Variants in RPIA observed in about 807,000 individuals in gnomAD.
RPIA encodes the protein ribose 5-phosphate isomerase A.
In RPIA, 29 loss-of-function variants were observed where a neutral mutation model predicts 37.8. The ratio of observed to expected loss-of-function variants is 0.77; its 90% confidence interval spans 0.57 to 1.05. The LOEUF (loss-of-function observed/expected upper bound fraction) is 1.05. RPIA is among the 50% of genes least tolerant of loss of function. RPIA has a pLI of 0.00. For synonymous variants in RPIA, 167 were observed against 157.0 expected, an observed-to-expected ratio of 1.06 and a Z score of -0.48; for missense variants, 385 against 413.6, an observed-to-expected ratio of 0.93 and a Z score of 0.60.
rs540121883 is a variant in RPIA, at chr2:88,742,999, G to A, written c.838+4923G>A. On this transcript the variant is annotated intron_variant, in intron 8 of 8. Coordinates refer to ENST00000283646, the MANE Select transcript of RPIA (RefSeq NM_144563.3). ...ATCATATTATTAGTGAACAGCAACC[G>A]TTTGACTTCCTCTTTACTGATTTGG... is the stretch of plus-strand genomic sequence containing the variant. Among the ~76,000 whole-genome samples, 44 of 152,152 alleles carry A rather than the reference G, an allele frequency of 2.9e-4. 1 individual carries two copies. The South Asian group carries it at 7.5e-3, about 26-fold the overall frequency.
At chr2:88,698,938 G>A (rs538243553) in intron 2 of RPIA, among the ~76,000 whole-genome samples, 2 of 152,364 alleles carry the variant, frequency 1.3e-5, no homozygotes, top group African/African-American at 4.8e-5. Flanking sequence ...TGGAGTGGAT[G>A]TGGGACTCCT....
intron 5 of RPIA, among the ~76,000 whole-genome samples, 162 bp from the exon 6 acceptor site, chr2:88,735,507 T>G (rs1220641370): frequency 6.6e-6 from 1 of 152,222 alleles, no homozygotes; most frequent in African/African-American, 2.4e-5. Flanking sequence ...GTCCATTTAC[T>G]AGGAGCAGCA....
Position 88,750,126 on chromosome 2 carries a change from C to T in RPIA, c.*48C>T, listed in dbSNP as rs765128115. 1 of 1,335,140 alleles carries T rather than the reference C, an allele frequency of 7.5e-7. No individual in the cohort carries two copies. The highest frequency in any genetic ancestry group is 1.1e-6 in the Non-Finnish European group (1 of 934,116). 82.7% of individuals were successfully genotyped at this position (1,335,140 alleles called of 1,614,324 possible). ...TCACCTTGAGTCTCCAGCCCACAGC[C>T]AAGGTGGACGTACCTCTCCAGGAGC... is the stretch of plus-strand genomic sequence containing the variant. On this transcript the variant is annotated 3_prime_UTR_variant, in exon 9 of 9. Transcript: ENST00000283646.
chr2:88,743,156 A>G (rs1387016526), intron 8 of RPIA, among the ~76,000 whole-genome samples: 2 of 152,060 alleles, frequency 1.3e-5, no homozygotes, highest in Non-Finnish European at 2.9e-5. Context: ...CCCTTTCAGT[A>G]TAATACTGGC....
At chr2:88,745,472 G>A (rs530836501) in intron 8 of RPIA, among the ~76,000 whole-genome samples, 2 of 152,130 alleles carry the variant, frequency 1.3e-5, no homozygotes, top group African/African-American at 4.8e-5. Context: ...GACTGGCTTG[G>A]TAGTGGCGAA....
intron 3 of RPIA, among the ~76,000 whole-genome samples, chr2:88,706,836 C>G (rs931521640): frequency 6.6e-6 from 1 of 152,158 alleles, no homozygotes; most frequent in Non-Finnish European, 1.5e-5. Context: ...TTTAATATGG[C>G]CTTTCAACTC....
chr2:88,703,880 G>A (rs1384067858), intron 3 of RPIA, among the ~76,000 whole-genome samples: 1 of 152,184 alleles, frequency 6.6e-6, no homozygotes, highest in Non-Finnish European at 1.5e-5. Context: ...GCTTTTAACA[G>A]CACCCAAGTC....
intron 3 of RPIA, among the ~76,000 whole-genome samples, chr2:88,716,622 G>C (rs1673039983): frequency 6.6e-6 from 1 of 152,162 alleles, no homozygotes; most frequent in Non-Finnish European, 1.5e-5. Flanking sequence ...CCGGTTAACT[G>C]TGTGGAGGAG....
intron 3 of RPIA, among the ~76,000 whole-genome samples, chr2:88,703,235 G>A (rs1672855132): frequency 6.6e-6 from 1 of 152,182 alleles, no homozygotes; most frequent in Admixed American, 6.5e-5. Flanking sequence ...TCTGGGGTCT[G>A]GAGGACAGTG....
chr2:88,746,141 T>G (rs909170685), intron 8 of RPIA, among the ~76,000 whole-genome samples: 2 of 152,232 alleles, frequency 1.3e-5, no homozygotes, highest in African/African-American at 4.8e-5. Flanking sequence ...TTTGATTATC[T>G]TTTCTTTATG....
At chr2:88,706,253 A>G (rs1189882895) in intron 3 of RPIA, among the ~76,000 whole-genome samples, 1 of 152,304 alleles carries the variant, frequency 6.6e-6, no homozygotes, top group East Asian at 1.9e-4. Flanking sequence ...ATACATGCAC[A>G]TGTATGTTCA....
At chr2:88,714,994 T>C (rs1450246400) in intron 3 of RPIA, among the ~76,000 whole-genome samples, 2 of 152,244 alleles carry the variant, frequency 1.3e-5, no homozygotes, top group Non-Finnish European at 2.9e-5. Context: ...AGTTTTAAAT[T>C]AGCCTTTCAA....
intron 6 of RPIA, 118 bp from the exon 7 acceptor site, chr2:88,736,417 C>A: frequency 1.0e-6 from 1 of 991,450 alleles, no homozygotes; most frequent in Non-Finnish European, 1.6e-6. Context: ...ATGTATATTG[C>A]CCTTGATCAC....
chr2:88,693,910 A>T (rs1315272631), intron 1 of RPIA, among the ~76,000 whole-genome samples: 2 of 152,252 alleles, frequency 1.3e-5, no homozygotes, highest in African/African-American at 4.8e-5. Context: ...GGATGGGTCG[A>T]CATGCAGAAC....
intron 1 of RPIA, among the ~76,000 whole-genome samples, chr2:88,693,858 C>T (rs902727911): frequency 6.6e-6 from 1 of 152,292 alleles, no homozygotes; most frequent in African/African-American, 2.4e-5. Context: ...GTATAGCCAC[C>T]TTGGGCCCAG....
intron 3 of RPIA, among the ~76,000 whole-genome samples, chr2:88,708,862 T>C (rs548681968): frequency 3.3e-5 from 5 of 151,938 alleles, no homozygotes; most frequent in African/African-American, 9.7e-5. Context: ...GTTCATGCCG[T>C]ACTCCTGCGT....
chr2:88,737,192 C>A (rs1281470320), intron 7 of RPIA, among the ~76,000 whole-genome samples: 1 of 152,160 alleles, frequency 6.6e-6, no homozygotes, highest in East Asian at 1.9e-4. Flanking sequence ...TCTTTAGCTT[C>A]TAAAGTGGAT....
Position 88,729,352 on chromosome 2 carries a change from C to G in RPIA, c.462+15C>G, listed in dbSNP as rs1365677877. 7 of 1,611,486 alleles carry G rather than the reference C, an allele frequency of 4.3e-6. No individual in the cohort carries two copies. The highest frequency in any genetic ancestry group is 5.9e-6 in the Non-Finnish European group (7 of 1,177,648). ...GACACCCAGAGGTAAGATTGCCACT[C>G]AGAGGCAGACCACTGCGTATTTCTT... On this transcript the variant is annotated intron_variant, in intron 4 of 8. Transcript: ENST00000283646.
At chr2:88,737,256 G>A (rs1224489988) in intron 7 of RPIA, among the ~76,000 whole-genome samples, 5 of 152,166 alleles carry the variant, frequency 3.3e-5, no homozygotes, top group Non-Finnish European at 5.9e-5. Context: ...AGCAAAGACA[G>A]CAATCCAGAA....
Sources: allele counts gnomAD v4.1 joint callset (sites outside exome capture counted in the v4.1 genomes callset), GRCh38; gene constraint gnomAD v4.1.1; transcripts MANE v1.5; gene names NCBI Gene and HGNC (gene_info 2026-07-23, HGNC 2026-07-21).